LMF1: variants seen among roughly 807,000 people sequenced by gnomAD.
LMF1 encodes lipase maturation factor 1.
In LMF1, 68 loss-of-function variants were observed where a neutral mutation model predicts 60.6. That is an observed-to-expected ratio of 1.12 (90% CI 0.92 to 1.37). The LOEUF (loss-of-function observed/expected upper bound fraction) is 1.37, where lower values mean the gene tolerates loss of function less well. Ranked by LOEUF, LMF1 falls within the 40% of genes most tolerant of loss-of-function variation. The pLI is 0.00. For synonymous variants in LMF1, 418 were observed against 324.7 expected (o/e 1.29, Z -3.09); for missense variants, 948 against 767.2 (o/e 1.24, Z -2.78).
intron 4 of LMF1, chr16:901,941 A>T (rs2151743611): frequency 6.6e-6 from 1 of 151,584 alleles, no homozygotes; most frequent in African/African-American, 2.4e-5. Flanking sequence ...CCGGGTGGAG[A>T]GCAGTGGGGG....
chr16:887,937 C>T (rs745770289), intron 5 of LMF1, among the ~76,000 whole-genome samples: 2 of 152,210 alleles, frequency 1.3e-5, no homozygotes, highest in African/African-American at 2.4e-5. Context: ...GCGTAGGTGG[C>T]CCCAGGCAGA....
intron 2 of LMF1, among the ~76,000 whole-genome samples, chr16:946,522 G>A (rs145509097): frequency 1.5e-3 from 231 of 152,364 alleles, no homozygotes; most frequent in African/African-American, 5.2e-3. Flanking sequence ...TCCAAGGCCA[G>A]AAGAGGCCTT....
intron 2 of LMF1, chr16:947,632 G>A (rs2072270856): frequency 2.2e-6 from 1 of 455,786 alleles, no homozygotes; most frequent in Non-Finnish European, 4.4e-6. Context: ...CCAAGTTTCT[G>A]GAGAGGATCT....
At chr16:888,416 C>T (rs1465170236) in intron 5 of LMF1, among the ~76,000 whole-genome samples, 2 of 152,212 alleles carry the variant, frequency 1.3e-5, no homozygotes, top group Non-Finnish European at 2.9e-5. Flanking sequence ...TACTCCAGAT[C>T]CAGTGAGTTT....
rs554225083 is a variant in LMF1, at chr16:977,493, C to T, written c.-135+3652G>A. On this transcript the variant is annotated intron_variant, in intron 1 of 6. Coordinates refer to the LMF1 transcript ENST00000570014. ...GTCATTAAAAGCACCAATTAATCTC[C>T]CAGGCCGTGCCAGGACGCTGCCAAC... Among the ~76,000 whole-genome samples the T allele has an allele frequency of 1.1e-4, 17 of 152,342 alleles. No homozygotes were observed. In the East Asian group the frequency reaches 2.7e-3, roughly 24 times the overall value.
At chr16:864,165 GTTGA>G (rs1370088678) in intron 10 of LMF1, among the ~76,000 whole-genome samples, 1 of 152,200 alleles carries the variant, frequency 6.6e-6, no homozygotes, top group Non-Finnish European at 1.5e-5. Flanking sequence ...TGTTTGGCAG[GTTGA>G]TTCTTTTCTC....
chr16:942,835 G>T (rs796605525), intron 2 of LMF1, among the ~76,000 whole-genome samples: 18 of 152,128 alleles, frequency 1.2e-4, no homozygotes, highest in African/African-American at 2.9e-4. Context: ...CTCTCTCTGT[G>T]GGGCTCCAAT....
At chr16:860,381 C>G (rs987332808) in intron 10 of LMF1, among the ~76,000 whole-genome samples, 1 of 151,674 alleles carries the variant, frequency 6.6e-6, no homozygotes, top group Non-Finnish European at 1.5e-5. Flanking sequence ...GCTCTGTTGC[C>G]CAGGCTGGAG....
chr16:889,051 C>A (rs771366651), intron 5 of LMF1, among the ~76,000 whole-genome samples: 3 of 152,166 alleles, frequency 2.0e-5, no homozygotes, highest in Non-Finnish European at 2.9e-5. Flanking sequence ...CTCATGGGAG[C>A]GGGCCCTTGG....
Position 856,973 on chromosome 16 carries a change from C to T in LMF1, c.1530-2267G>A, listed in dbSNP as rs61649918. Among the ~76,000 whole-genome samples, 421 of 152,384 alleles carry T rather than the reference C, an allele frequency of 2.8e-3. 2 individuals are homozygous for T. Among genetic ancestry groups the T allele is most frequent in the African/African-American group, 9.5e-3 (396 of 41,598 alleles). On this transcript the variant is annotated intron_variant, in intron 10 of 10. Coordinates refer to ENST00000262301, the MANE Select transcript of LMF1 (RefSeq NM_022773.4). ...GTCCTTCCACACCCTCCCCGACCTTCGGCCTCCTTGTGTGATTTCAAGAAC... is the reference window on the plus strand; with the variant it reads ...GTCCTTCCACACCCTCCCCGACCTTTGGCCTCCTTGTGTGATTTCAAGAAC...
rs376926430 is a variant in LMF1 at position 920,171 on chromosome 16, G to A, written c.515-9092C>T. Reference sequence around the variant, plus strand: ...ACATTCACACTGGCCCTAGTCCGTCGTCCCCCAACATGACATCCACACTGG... The same window carrying A: ...ACATTCACACTGGCCCTAGTCCGTCATCCCCCAACATGACATCCACACTGG... On this transcript the variant is annotated intron_variant, in intron 3 of 10. Transcript: ENST00000262301. 2.7e-4 allele frequency among the ~76,000 whole-genome samples: 40 copies of A among 150,350 alleles called. No homozygotes were observed. The South Asian group carries it at 4.4e-3, about 17-fold the overall frequency.
At chr16:915,270 AGAG>A (rs2071248894) in intron 3 of LMF1, among the ~76,000 whole-genome samples, 1 of 152,298 alleles carries the variant, frequency 6.6e-6, no homozygotes, top group East Asian at 1.9e-4. Context: ...CTGAAACACC[AGAG>A]GAGCCAGGCA....
intron 3 of LMF1, among the ~76,000 whole-genome samples, chr16:913,591 C>T (rs1053332567): frequency 1.3e-5 from 2 of 152,214 alleles, no homozygotes; most frequent in African/African-American, 4.8e-5. Context: ...TCTCAGCTGC[C>T]CTCCCCCTCA....
chr16:955,388 G>A (rs1266176300), intron 1 of LMF1, among the ~76,000 whole-genome samples: 1 of 144,898 alleles, frequency 6.9e-6, no homozygotes, highest in East Asian at 2.1e-4. Flanking sequence ...AGCAGACGCG[G>A]TGTGTGCATA....
chr16:929,573 T>G (rs892991867), intron 3 of LMF1, among the ~76,000 whole-genome samples: 6 of 152,092 alleles, frequency 3.9e-5, no homozygotes, highest in Admixed American at 6.5e-5. Flanking sequence ...CTCGAGACAC[T>G]CCCAGATCCA....
At chr16:974,706 G>A (rs2073103230), upstream of LMF1, among the ~76,000 whole-genome samples, 1 of 152,208 alleles carries the variant, frequency 6.6e-6, no homozygotes, top group South Asian at 2.1e-4. Flanking sequence ...CCCAGCAGCT[G>A]CGGGCCGGCT....
chr16:959,131 A>G (rs1011215190), intron 1 of LMF1, among the ~76,000 whole-genome samples: 1 of 152,210 alleles, frequency 6.6e-6, no homozygotes, highest in Non-Finnish European at 1.5e-5. Flanking sequence ...TGCTCATAGC[A>G]GCTCTGTTCA....
intron 1 of LMF1, among the ~76,000 whole-genome samples, chr16:967,745 A>G (rs1440284225): frequency 6.6e-6 from 1 of 152,204 alleles, no homozygotes; most frequent in Non-Finnish European, 1.5e-5. Flanking sequence ...GGTGTCCAGG[A>G]TACGCAGGCT....
intron 3 of LMF1, among the ~76,000 whole-genome samples, chr16:912,396 T>C (rs1471987658): frequency 6.6e-6 from 1 of 152,178 alleles, no homozygotes; most frequent in Non-Finnish European, 1.5e-5. Context: ...GCAACTCATC[T>C]CTACCTGAGA....
Sources: gnomAD v4.1 joint callset for allele counts (sites outside exome capture counted in the v4.1 genomes callset) on GRCh38, gnomAD v4.1.1 for gene constraint, MANE v1.5 for transcripts, NCBI Gene and HGNC (gene_info 2026-07-23, HGNC 2026-07-21) for gene names.